Variants in CYTH3 observed in about 807,000 individuals in gnomAD.
CYTH3 encodes the protein cytohesin-3.
A neutral mutation model predicts 55.1 loss-of-function variants in CYTH3; 23 were observed. The ratio of observed to expected loss-of-function variants is 0.42; its 90% CI spans 0.30 to 0.59. The LOEUF is 0.59. CYTH3 is among the 20% of genes least tolerant of loss of function. The pLI, the probability that CYTH3 is intolerant of heterozygous loss-of-function variation, is 0.20. For synonymous variants in CYTH3, 249 were observed against 194.9 expected (o/e 1.28, Z -2.31); for missense variants, 413 against 524.8 (o/e 0.79, Z 2.08).
intron 1 of CYTH3, among the ~76,000 whole-genome samples, chr7:6,208,494 G>A (rs150205849): frequency 7.4e-4 from 112 of 152,186 alleles, no homozygotes; most frequent in African/African-American, 2.6e-3. Context: ...AGCTCCTTGG[G>A]AACCTTGGCA....
Position 6,170,057 on chromosome 7 carries a change from G to A in CYTH3, c.823+478C>T, listed in dbSNP as rs1318393936. On this transcript the variant is annotated intron_variant, in intron 9 of 12. Transcript: ENST00000350796. The surrounding 1 kb of genome is among the most constrained non-coding windows in gnomAD (Gnocchi z 7.8). ...GAGAGGAATGAGCCGCTGAGGGGGC[G>A]GGGAGCCACTGGGTACCTACCTCCT... 3 of 168,696 alleles carry A rather than the reference G, an allele frequency of 1.8e-5. No individual in the cohort carries two copies. The highest frequency in any genetic ancestry group is 1.5e-4 in the South Asian group (1 of 6,756). The allele number at this position is 168,696 out of a possible 1,614,324, so 10.4% of individuals were successfully genotyped here.
intron 1 of CYTH3, among the ~76,000 whole-genome samples, chr7:6,223,714 C>T (rs1366136416): frequency 6.6e-6 from 1 of 151,982 alleles, no homozygotes; most frequent in African/African-American, 2.4e-5. Flanking sequence ...GAAGGGACCT[C>T]TGCCTAGGAA....
In CYTH3 at chr7:6,251,192, G is replaced by A. The variant is rs879841645; in HGVS notation, c.34+21282C>T. Among the ~76,000 whole-genome samples the A allele has an allele frequency of 3.9e-5, 6 of 152,060 alleles. No homozygotes were observed. In the East Asian group the frequency reaches 5.8e-4, roughly 15 times the overall value. Reference sequence around the variant, plus strand: ...TCAGAAGTTGAAGCAGGAGAATCGCGTGAATCCAGGTGGCGGAGGTTGCAG... The same window carrying A: ...TCAGAAGTTGAAGCAGGAGAATCGCATGAATCCAGGTGGCGGAGGTTGCAG... On this transcript the variant is annotated intron_variant, in intron 1 of 12. Coordinates refer to ENST00000350796, the MANE Select transcript of CYTH3 (RefSeq NM_004227.4).
At chr7:6,209,460 T>A (rs1784274161) in intron 1 of CYTH3, among the ~76,000 whole-genome samples, 1 of 152,218 alleles carries the variant, frequency 6.6e-6, no homozygotes, top group Non-Finnish European at 1.5e-5. Flanking sequence ...ATAAAGTTTC[T>A]TTCACAGCCA....
chr7:6,186,953 G>C (rs1044193262), intron 4 of CYTH3, 97 bp downstream of exon 4: 3 of 1,249,238 alleles, frequency 2.4e-6, no homozygotes, highest in Non-Finnish European at 3.5e-6. Context: ...TGAGGTGACA[G>C]GGCGGACCAC....
At chr7:6,180,770 C>T (rs371132931) in intron 4 of CYTH3, among the ~76,000 whole-genome samples, 8 of 152,134 alleles carry the variant, frequency 5.3e-5, no homozygotes, top group Admixed American at 2.6e-4. Context: ...GAAATGGGGG[C>T]GGTGGCACCA....
chr7:6,214,299 A>C (rs757135137), intron 1 of CYTH3, among the ~76,000 whole-genome samples: 3 of 152,218 alleles, frequency 2.0e-5, no homozygotes, highest in African/African-American at 7.2e-5. Flanking sequence ...TTTTCATACT[A>C]AAATGTTGAA....
intron 1 of CYTH3, among the ~76,000 whole-genome samples, chr7:6,197,401 G>C (rs148141891): frequency 0.013 from 2,025 of 152,306 alleles, 26 homozygotes; most frequent in Middle Eastern, 0.061. Context: ...AAAGAATTGA[G>C]GCTGAGCACA....
intron 6 of CYTH3, 88 bp downstream of exon 6, chr7:6,173,565 C>G (rs1783256565): frequency 1.2e-6 from 1 of 832,654 alleles, no homozygotes; most frequent in Non-Finnish European, 2.1e-6. Context: ...ACCAAGTTAC[C>G]TGGAGTCAAT....
At chr7:6,266,115 C>A (rs948969359) in intron 1 of CYTH3, among the ~76,000 whole-genome samples, 1 of 152,100 alleles carries the variant, frequency 6.6e-6, no homozygotes, top group Admixed American at 6.6e-5. Flanking sequence ...CACCAAGCCC[C>A]GTAACTCTCA....
intron 5 of CYTH3, among the ~76,000 whole-genome samples, chr7:6,174,690 G>A (rs1039928874): frequency 6.6e-6 from 1 of 151,994 alleles, no homozygotes; most frequent in African/African-American, 2.4e-5. Context: ...TGGGACTACA[G>A]GCACCCGCCA....
chr7:6,219,267 G>T (rs10253501), intron 1 of CYTH3, among the ~76,000 whole-genome samples: 9,664 of 152,198 alleles, frequency 0.063, 721 homozygotes, highest in African/African-American at 0.17. Context: ...GATGAACTTG[G>T]ATATTTAATT....
chr7:6,223,575 G>C (rs948213810), intron 1 of CYTH3, among the ~76,000 whole-genome samples: 1 of 152,048 alleles, frequency 6.6e-6, no homozygotes, highest in Non-Finnish European at 1.5e-5. Context: ...TGTCAACTCA[G>C]GGTTAAATGG....
chr7:6,222,355 C>A (rs1187191625), intron 1 of CYTH3, among the ~76,000 whole-genome samples: 4 of 152,208 alleles, frequency 2.6e-5, no homozygotes, highest in South Asian at 2.1e-4. Context: ...TGTTCCCCCC[C>A]ATATCCCTGT....
In CYTH3 at chr7:6,177,947, G is replaced by C. The variant is rs567087039; in HGVS notation, c.250-6C>G. ...TCTATTAGAAACTGAATTCCCTGAA[G>C]AACATTAAAATGGAAGCACTGGTTA... On this transcript the variant is annotated splice_polypyrimidine_tract_variant and splice_region_variant and intron_variant, in intron 4 of 12. Transcript: ENST00000350796. 5.6e-6 allele frequency: 9 copies of C among 1,604,142 alleles called. 1 individual carries two copies. The highest frequency in any genetic ancestry group is 2.7e-5 in the African/African-American group (2 of 74,820).
chr7:6,199,219 A>T (rs1323557832), intron 1 of CYTH3, among the ~76,000 whole-genome samples: 1 of 152,230 alleles, frequency 6.6e-6, no homozygotes, highest in Non-Finnish European at 1.5e-5. Context: ...CTGCAAAATC[A>T]CAGAGACTCA....
At chr7:6,271,832 C>T (rs912190380) in intron 1 of CYTH3, among the ~76,000 whole-genome samples, 1 of 152,122 alleles carries the variant, frequency 6.6e-6, no homozygotes, top group Non-Finnish European at 1.5e-5. Context: ...CTCGGCTCCA[C>T]GGAGTTTTTT....
intron 1 of CYTH3, among the ~76,000 whole-genome samples, chr7:6,207,195 C>T (rs1359081625): frequency 8.1e-5 from 12 of 148,216 alleles, no homozygotes; most frequent in Admixed American, 7.5e-4. Flanking sequence ...CCTGGGTTCA[C>T]GCCATTCTCC....
chr7:6,218,991 G>C (rs1236498120), intron 1 of CYTH3, among the ~76,000 whole-genome samples: 1 of 128,826 alleles, frequency 7.8e-6, no homozygotes. Context: ...GCAACGGGGA[G>C]AGACTCCGTC....
Sources: gnomAD v4.1 joint callset for allele counts (sites outside exome capture counted in the v4.1 genomes callset) on GRCh38, gnomAD v4.1.1 for gene constraint, Gnocchi (gnomAD v3.1) non-coding constraint, MANE v1.5 for transcripts, NCBI Gene and HGNC (gene_info 2026-07-23, HGNC 2026-07-21) for gene names.